TSC22D3: variants seen among roughly 807,000 people sequenced by gnomAD.
The protein encoded by TSC22D3 is TSC22 domain family protein 3.
TSC22D3 carries 4 observed loss-of-function variants against 11.1 expected under a neutral mutation model. The observed-to-expected ratio is 0.36, with a 90% CI of 0.18 to 0.83. TSC22D3 has a LOEUF of 0.83. Among genes scored for constraint, TSC22D3 ranks in the 40% least tolerant of loss-of-function variants. TSC22D3 has a pLI of 0.48. For synonymous variants in TSC22D3, 77 were observed against 70.3 expected (o/e 1.10, Z -0.48); for missense variants, 118 against 159.4 (o/e 0.74, Z 1.40).
At chrX:107,772,805 C>T (rs1377841253) in intron 1 of TSC22D3, among the ~76,000 whole-genome samples, 2 of 111,696 alleles carry the variant, frequency 1.8e-5, no homozygotes, top group African/African-American at 6.5e-5. Flanking sequence ...GAGCTGTGAT[C>T]ATGCAACTGC....
At chrX:107,759,578 C>T (rs1023404777) in intron 1 of TSC22D3, among the ~76,000 whole-genome samples, 1 of 112,323 alleles carries the variant, frequency 8.9e-6, no homozygotes, top group African/African-American at 3.2e-5. Flanking sequence ...CTTTCTACCA[C>T]CTCGAGCTGT....
intron 1 of TSC22D3, among the ~76,000 whole-genome samples, chrX:107,736,435 A>G (rs1928137275): frequency 9.0e-6 from 1 of 111,231 alleles, no homozygotes; most frequent in Non-Finnish European, 1.9e-5. Flanking sequence ...GAATTTTACA[A>G]TCTTGTCCCT....
intron 1 of TSC22D3, among the ~76,000 whole-genome samples, chrX:107,722,462 A>T (rs1927385997): frequency 8.9e-6 from 1 of 111,961 alleles, no homozygotes; most frequent in Admixed American, 9.4e-5. Context: ...GAAGTAAAAA[A>T]CTGCTCTTGT....
intron 1 of TSC22D3, among the ~76,000 whole-genome samples, chrX:107,751,273 A>T (rs770983590): frequency 3.0e-4 from 34 of 111,848 alleles, no homozygotes; most frequent in African/African-American, 1.0e-3. Flanking sequence ...GAGCAATGGG[A>T]CCATCTCGGA....
intron 1 of TSC22D3, among the ~76,000 whole-genome samples, chrX:107,762,821 A>T (rs1213056775): frequency 2.1e-5 from 2 of 97,217 alleles, no homozygotes; most frequent in African/African-American, 3.8e-5. Context: ...TATTTGCTTT[A>T]AAAAAAAAAA....
At chrX:107,760,898 G>A (rs1016629689) in intron 1 of TSC22D3, among the ~76,000 whole-genome samples, 2 of 112,160 alleles carry the variant, frequency 1.8e-5, no homozygotes, top group African/African-American at 6.5e-5. Flanking sequence ...TTGCCAGGCT[G>A]GGTTTCAGGT....
chrX:107,717,909 C>T (rs1346908544), intron 1 of TSC22D3, among the ~76,000 whole-genome samples: 1 of 111,991 alleles, frequency 8.9e-6, no homozygotes, highest in Non-Finnish European at 1.9e-5. Flanking sequence ...TCAACATTAT[C>T]CAGGATCCCG....
At chrX:107,716,846 G>A (rs748303421) in intron 1 of TSC22D3, 1 of 1,205,781 alleles carries the variant, frequency 8.3e-7, no homozygotes, top group Non-Finnish European at 1.1e-6. Context: ...GCCGGGTTTC[G>A]TGCGGGGCTG....
At chrX:107,763,112 C>A (rs1248263837) in intron 1 of TSC22D3, among the ~76,000 whole-genome samples, 1 of 111,058 alleles carries the variant, frequency 9.0e-6, no homozygotes, top group Non-Finnish European at 1.9e-5. Flanking sequence ...GCCTTGGCCT[C>A]CCGAAGTGCT....
chrX:107,740,304 C>A (rs1928338869), intron 1 of TSC22D3, among the ~76,000 whole-genome samples: 1 of 112,082 alleles, frequency 8.9e-6, no homozygotes, highest in African/African-American at 3.2e-5. Context: ...AGAGATCGTG[C>A]TGGGCATGGT....
chrX:107,716,817 G>A (rs769761897), intron 1 of TSC22D3: 7 of 1,206,824 alleles, frequency 5.8e-6, no homozygotes, highest in Non-Finnish European at 7.8e-6. Context: ...TTCATGGCTC[G>A]GGCTGCTAGG....
chrX:107,737,971 GC>G (rs775334284), intron 1 of TSC22D3, among the ~76,000 whole-genome samples: 2 of 112,281 alleles, frequency 1.8e-5, no homozygotes, highest in South Asian at 3.7e-4. Flanking sequence ...GCTGAGAGAT[GC>G]CCTTTCCATA....
chrX:107,736,989 C>T (rs1224498945), intron 1 of TSC22D3, among the ~76,000 whole-genome samples: 1 of 112,127 alleles, frequency 8.9e-6, no homozygotes, highest in East Asian at 2.8e-4. Flanking sequence ...GGTCAGTTAA[C>T]TGTCCTCTCA....
chrX:107,743,750 T>C (rs1458535340), intron 1 of TSC22D3, among the ~76,000 whole-genome samples: 1 of 111,774 alleles, frequency 8.9e-6, no homozygotes, highest in Non-Finnish European at 1.9e-5. Context: ...CTTTCTAGAG[T>C]GCTCTTCCTA....
At chrX:107,767,172 A>C (rs1160891651) in intron 1 of TSC22D3, among the ~76,000 whole-genome samples, 1 of 112,071 alleles carries the variant, frequency 8.9e-6, no homozygotes, top group African/African-American at 3.2e-5. Flanking sequence ...CCTGAAGAGA[A>C]GATTAGAAGA....
At chrX:107,743,818 G>T (rs751129591) in intron 1 of TSC22D3, among the ~76,000 whole-genome samples, 2 of 112,049 alleles carry the variant, frequency 1.8e-5, no homozygotes, top group South Asian at 3.7e-4. Context: ...TCCACTGGTT[G>T]TGGGTGAGGG....
intron 1 of TSC22D3, among the ~76,000 whole-genome samples, chrX:107,757,123 C>G (rs1602408921): frequency 8.9e-6 from 1 of 112,813 alleles, no homozygotes; most frequent in Non-Finnish European, 1.9e-5. Context: ...GGCCAACCAA[C>G]AAGGGAAGTG....
intron 1 of TSC22D3, among the ~76,000 whole-genome samples, chrX:107,737,123 C>T (rs1400250118): frequency 1.8e-5 from 2 of 111,952 alleles, no homozygotes; most frequent in East Asian, 5.6e-4. Flanking sequence ...GCACAGACAA[C>T]ACAGGAATCC....
chrX:107,766,300 G>C (rs1161079376), intron 1 of TSC22D3, among the ~76,000 whole-genome samples: 3 of 112,050 alleles, frequency 2.7e-5, no homozygotes, highest in South Asian at 7.4e-4. Flanking sequence ...CAGGCAGAGA[G>C]CTAAGAATCA....
Sources: gnomAD v4.1 joint callset for allele counts (sites outside exome capture counted in the v4.1 genomes callset) on GRCh38, gnomAD v4.1.1 for gene constraint, MANE v1.5 for transcripts, NCBI Gene and HGNC (gene_info 2026-07-23, HGNC 2026-07-21) for gene names.